The following MYLK variants were observed in gnomAD, a reference collection of about 807,000 sequenced individuals.
The protein encoded by MYLK is myosin light chain kinase.
A neutral mutation model predicts 203.4 loss-of-function variants in MYLK; 106 were observed. That is an observed-to-expected ratio of 0.52 (90% CI 0.45 to 0.61). MYLK has a LOEUF of 0.61. Among genes scored for constraint, MYLK ranks in the 20% least tolerant of loss-of-function variants. The probability of loss-of-function intolerance (pLI) is 0.00; values close to 1 mark genes in which losing one functional copy is unlikely to be tolerated. For synonymous variants in MYLK, 867 were observed against 959.5 expected (o/e 0.90, Z 1.78); for missense variants, 2,072 against 2,442.3 (o/e 0.85, Z 3.20).
chr3:123,650,996 C>T (rs949876441), intron 24 of MYLK, among the ~76,000 whole-genome samples: 4 of 152,164 alleles, frequency 2.6e-5, no homozygotes, highest in African/African-American at 4.8e-5. Flanking sequence ...CTGTTGAGAG[C>T]GCCCTGGGTG....
chr3:123,699,940 T>C, intron 18 of MYLK, 80 bp downstream of exon 18: 1 of 1,596,234 alleles, frequency 6.3e-7, no homozygotes, highest in Non-Finnish European at 8.6e-7. Context: ...CTAACAGGGG[T>C]CAGCGAGACC....
intron 4 of MYLK, among the ~76,000 whole-genome samples, chr3:123,789,244 C>T (rs751876713): frequency 3.9e-5 from 6 of 152,234 alleles, no homozygotes; most frequent in Middle Eastern, 3.4e-3. Context: ...ACATCCTGTT[C>T]TACTAGGCAC....
intron 28 of MYLK, chr3:123,638,944 A>C (rs1559999869): frequency 3.0e-6 from 3 of 985,420 alleles, no homozygotes; most frequent in Non-Finnish European, 3.6e-6. Flanking sequence ...AAATGTTCTA[A>C]AACAAAGCAT....
chr3:123,680,124 C>T (rs781015548), intron 20 of MYLK, among the ~76,000 whole-genome samples: 37 of 152,278 alleles, frequency 2.4e-4, no homozygotes, highest in Non-Finnish European at 3.8e-4. Flanking sequence ...GCCAGGGGTG[C>T]GAGCTGCTGC....
chr3:123,746,808 T>A (rs74967436), intron 5 of MYLK, among the ~76,000 whole-genome samples: 4 of 152,126 alleles, frequency 2.6e-5, no homozygotes, highest in South Asian at 4.1e-4. Flanking sequence ...GCCTAGATTT[T>A]AAAAAATAGG....
At chr3:123,702,407 C>G (rs1230957375) in intron 16 of MYLK, among the ~76,000 whole-genome samples, 2 of 152,200 alleles carry the variant, frequency 1.3e-5, no homozygotes, top group Non-Finnish European at 2.9e-5. Context: ...GACACCCACA[C>G]GCAGTTCTTT....
In MYLK at chr3:123,656,452, C is replaced by T. The variant is rs1563430; in HGVS notation, c.4288+674G>A. Among the ~76,000 whole-genome samples the T allele has an allele frequency of 5.6e-3, 851 of 152,320 alleles. 11 individuals are homozygous for T. The highest frequency in any genetic ancestry group is 0.018 in the African/African-American group (763 of 41,570). On this transcript the variant is annotated intron_variant, in intron 24 of 33. Transcript: ENST00000360304. ...ACACAACATATGCCTTGGCCACACA[C>T]GAGCATCTGAAAATGTCACACACTG... is the stretch of plus-strand genomic sequence containing the variant.
At chr3:123,795,479 G>C (rs939056727) in intron 3 of MYLK, among the ~76,000 whole-genome samples, 18 of 152,208 alleles carry the variant, frequency 1.2e-4, no homozygotes, top group African/African-American at 4.3e-4. Context: ...GCTAAATCTG[G>C]CTCTTGTAAA....
chr3:123,699,973 G>A (rs2061115481), intron 18 of MYLK, 47 bp downstream of exon 18: 5 of 1,613,372 alleles, frequency 3.1e-6, no homozygotes, highest in African/African-American at 1.3e-5. Flanking sequence ...GCTAGGAGTG[G>A]CCCTGGTACA....
chr3:123,714,064 C>T (rs2061807080), intron 13 of MYLK, among the ~76,000 whole-genome samples: 1 of 152,220 alleles, frequency 6.6e-6, no homozygotes, highest in Non-Finnish European at 1.5e-5. Flanking sequence ...CAAACCAGAA[C>T]TTTCATGTAA....
chr3:123,817,415 A>G (rs1483595846), intron 3 of MYLK, among the ~76,000 whole-genome samples: 2 of 152,058 alleles, frequency 1.3e-5, no homozygotes, highest in Non-Finnish European at 2.9e-5. Context: ...CATCTCCCCA[A>G]ATTCCTTTCC....
intron 2 of MYLK, among the ~76,000 whole-genome samples, chr3:123,854,960 C>T (rs1263524206): frequency 6.6e-6 from 1 of 152,118 alleles, no homozygotes; most frequent in Non-Finnish European, 1.5e-5. Flanking sequence ...GTCAGTCTGT[C>T]ATTTATTTAT....
At chr3:123,666,820 G>A in intron 21 of MYLK, 3 of 569,342 alleles carry the variant, frequency 5.3e-6, no homozygotes, top group South Asian at 2.1e-5. Flanking sequence ...GTACACAAGG[G>A]TAGGGCAGAG....
At chr3:123,647,131 A>T (rs1576422083) in intron 27 of MYLK, 93 bp downstream of exon 27, 2 of 1,178,804 alleles carry the variant, frequency 1.7e-6, no homozygotes, top group South Asian at 2.5e-5. Flanking sequence ...AGTGCTTTCC[A>T]TCTTGGGGCA....
In MYLK at chr3:123,653,986, TTGTGTGTGTG is replaced by T. The variant is rs752791805; in HGVS notation, c.4288+3130_4288+3139del. 8.4e-3 allele frequency among the ~76,000 whole-genome samples: 1,158 copies of T among 137,740 alleles called. 15 individuals are homozygous for T. The highest frequency in any genetic ancestry group is 0.028 in the African/African-American group (1,024 of 37,190). 90.4% of individuals were successfully genotyped at this position (137,740 alleles called of 152,430 possible). A position where few individuals can be genotyped will look rare whatever the true frequency, so the allele number is the denominator to read the frequency against. On this transcript the variant is annotated intron_variant, in intron 24 of 33. Transcript: ENST00000360304. The stretch of plus-strand genomic sequence containing the variant: ...CCACTCTGCTCATTTCAGAGGGATG[TTGTGTGTGTG>T]TGTGTGTGTGTGTGTGTGTGTGTGT...
intron 24 of MYLK, among the ~76,000 whole-genome samples, chr3:123,650,048 G>C (rs1173116633): frequency 3.9e-5 from 6 of 152,172 alleles, no homozygotes; most frequent in Non-Finnish European, 1.5e-5. Context: ...GGGAACAGGA[G>C]GGGTTCCCCG....
chr3:123,635,693 C>T (rs1291475307), intron 29 of MYLK, among the ~76,000 whole-genome samples: 3 of 152,260 alleles, frequency 2.0e-5, no homozygotes, highest in Non-Finnish European at 4.4e-5. Context: ...TGTTCCTCCA[C>T]CGAAAAGAAC....
Position 123,640,545 on chromosome 3 carries a change from A to C in MYLK, c.4620-41T>G. Reference sequence around the variant, plus strand: ...CACGGGGTGGTCAGGCCACAGGCTCATGGAGGCCAGGCTGGCAGGGAGTCT... The same window carrying C: ...CACGGGGTGGTCAGGCCACAGGCTCCTGGAGGCCAGGCTGGCAGGGAGTCT... On this transcript the variant is annotated intron_variant, in intron 27 of 33. Coordinates refer to ENST00000360304, the MANE Select transcript of MYLK (RefSeq NM_053025.4). This position sits in a 1 kb window ranked among gnomAD's most constrained non-coding sequence, Gnocchi z 4.3. 2.5e-6 allele frequency: 4 copies of C among 1,608,512 alleles called. No homozygotes were observed. Among genetic ancestry groups the C allele is most frequent in the Non-Finnish European group, 3.4e-6 (4 of 1,176,176 alleles).
At chr3:123,744,455 G>T (rs2108841498) in intron 5 of MYLK, among the ~76,000 whole-genome samples, 1 of 152,248 alleles carries the variant, frequency 6.6e-6, no homozygotes, top group South Asian at 2.1e-4. Flanking sequence ...ATATAAAAAA[G>T]AAAGAAGAAA....
Sources: allele counts gnomAD v4.1 joint callset (sites outside exome capture counted in the v4.1 genomes callset), GRCh38; gene constraint gnomAD v4.1.1; non-coding constraint Gnocchi (gnomAD v3.1); transcripts MANE v1.5; gene names NCBI Gene and HGNC (gene_info 2026-07-23, HGNC 2026-07-21).